SEC16A: variants seen among roughly 807,000 people sequenced by gnomAD.
The protein encoded by SEC16A is protein transport protein Sec16A.
SEC16A carries 110 observed loss-of-function variants against 221.9 expected under a neutral mutation model. The ratio of observed to expected loss-of-function variants is 0.50; its 90% CI spans 0.42 to 0.58. The LOEUF (loss-of-function observed/expected upper bound fraction) is 0.58. Ranked by LOEUF, SEC16A falls within the 20% of genes least tolerant of loss-of-function variation. SEC16A has a pLI of 0.00. For synonymous variants in SEC16A, 1,393 were observed against 1,257.7 expected, an observed-to-expected ratio of 1.11 and a Z score of -2.28; for missense variants, 3,165 against 3,097.8, an observed-to-expected ratio of 1.02 and a Z score of -0.52.
chr9:136,465,139 T>A (rs546649784), intron 8 of SEC16A, among the ~76,000 whole-genome samples: 1 of 144,058 alleles, frequency 6.9e-6, no homozygotes, highest in South Asian at 2.2e-4. Flanking sequence ...AATGAAAAAA[T>A]GTTAACTGAA....
At chr9:136,441,920 A>G in intron 31 of SEC16A, 97 bp from the exon 32 acceptor site, 1 of 1,048,752 alleles carries the variant, frequency 9.5e-7, no homozygotes, top group East Asian at 2.5e-5. Context: ...ATAATGAACC[A>G]CACGGGCCAT....
intron 17 of SEC16A, among the ~76,000 whole-genome samples, chr9:136,458,552 CAGAA>C: frequency 6.6e-6 from 1 of 150,552 alleles, no homozygotes; most frequent in Non-Finnish European, 1.5e-5. Flanking sequence ...GGCGTGAACT[CAGAA>C]AGCAGAGCTT....
Position 136,482,968 on chromosome 9 carries a change from C to T in SEC16A, c.-222G>A. On this transcript the variant is annotated 5_prime_UTR_variant, in exon 1 of 32. Transcript: ENST00000684901. ...CGGCTGAGACCGATCCCTCAGGAGC[C>T]GCGGGCGAAAGCCCACCCGACGCTG... 1 of 985,232 alleles carries T rather than the reference C, an allele frequency of 1.0e-6. No homozygotes were observed. The highest frequency in any genetic ancestry group is 4.7e-5 in the South Asian group (1 of 21,290). 61.0% of individuals were successfully genotyped at this position (985,232 alleles called of 1,614,324 possible).
At position 136,459,614 on chromosome 9, in the gene SEC16A, G is replaced by A. The variant is rs754343167; in HGVS notation, c.5192-59C>T. On this transcript the variant is annotated intron_variant, in intron 15 of 31. Transcript: ENST00000684901. This position sits in a 1 kb window ranked among gnomAD's most constrained non-coding sequence, Gnocchi z 6.1. ...TCAGCGACCGGGAGCGCTTGCAGAA[G>A]TCAAGGACGCGCACAGAAGGCACCA... The A allele has an allele frequency of 1.8e-5, 26 of 1,433,782 alleles. No individual in the cohort carries two copies. Among genetic ancestry groups the A allele is most frequent in the Non-Finnish European group, 2.5e-5 (26 of 1,042,936 alleles). The allele number at this position is 1,433,782 out of a possible 1,614,324, so 88.8% of individuals were successfully genotyped here. A position where few individuals can be genotyped will look rare whatever the true frequency, so the allele number is the denominator to read the frequency against.
intron 2 of SEC16A, among the ~76,000 whole-genome samples, chr9:136,477,962 C>T (rs1159348555): frequency 6.6e-6 from 1 of 152,160 alleles, no homozygotes; most frequent in Non-Finnish European, 1.5e-5. Flanking sequence ...CCTCTACTCA[C>T]AGGGCCCATT....
intron 8 of SEC16A, among the ~76,000 whole-genome samples, chr9:136,465,559 A>G (rs1840029923): frequency 1.3e-5 from 2 of 152,264 alleles, no homozygotes; most frequent in South Asian, 4.1e-4. Context: ...GCATTTGAGC[A>G]TCCTGGAAGG....
intron 13 of SEC16A, among the ~76,000 whole-genome samples, chr9:136,460,790 G>A (rs1839368879): frequency 6.6e-6 from 1 of 152,032 alleles, no homozygotes; most frequent in East Asian, 1.9e-4. Context: ...GTGGGTGCCT[G>A]TGGTCTCAAC....
In SEC16A at chr9:136,463,693, C is replaced by A; in HGVS notation, c.4494G>T (p.Pro1498=). The A allele has an allele frequency of 2.5e-6, 4 of 1,612,962 alleles. No individual in the cohort carries two copies. The highest frequency in any genetic ancestry group is 3.4e-6 in the Non-Finnish European group (4 of 1,179,732). Residue 1498 remains proline (P), a synonymous_variant, in exon 10 of 32, where the codon CCG becomes CCT. Transcript: ENST00000684901. ...AAGGAACATACTTGGCCAGGGGTCC[C>A]GGGAACGCCCGCATCTCCTCCTGCT... ...TSEQEEMRAF[P]GPLAKDDTHK...
rs1000992506 is a variant in SEC16A at position 136,481,129 on chromosome 9, CTTTTTTTTTT to C, written c.-192+1799_-192+1808del. Among the ~76,000 whole-genome samples the C allele has an allele frequency of 1.5e-4, 13 of 87,988 alleles. No individual in the cohort carries two copies. In the Admixed American group the frequency reaches 2.2e-3, roughly 15 times the overall value. The allele number at this position is 87,988 out of a possible 152,430, so 57.7% of individuals were successfully genotyped here. A position where few individuals can be genotyped will look rare whatever the true frequency, so the allele number is the denominator to read the frequency against. On this transcript the variant is annotated intron_variant, in intron 1 of 31. Coordinates refer to ENST00000684901, the MANE Select transcript of SEC16A (RefSeq NM_014866.2). ...TGTCACCACTACAGGGAATTTTATTCTTTTTTTTTTTTTTTTTTTTTTTGAGACGGAGTCT... is the reference window on the plus strand; with the variant it reads ...TGTCACCACTACAGGGAATTTTATTCTTTTTTTTTTTTTGAGACGGAGTCT...
At chr9:136,443,950 T>C (rs1836574084) in intron 30 of SEC16A, 50 bp from the exon 31 acceptor site, 6 of 1,373,382 alleles carry the variant, frequency 4.4e-6, no homozygotes, top group Non-Finnish European at 6.0e-6. Flanking sequence ...GCACAGCAGC[T>C]GTCACTTCAA....
intron 5 of SEC16A, 56 bp downstream of exon 5, chr9:136,468,359 G>C: frequency 9.2e-7 from 1 of 1,088,252 alleles, no homozygotes; most frequent in Non-Finnish European, 1.4e-6. Flanking sequence ...CATGTCATCA[G>C]TGTCTTTTGC....
At chr9:136,452,155 A>G (rs563066763) in intron 22 of SEC16A, among the ~76,000 whole-genome samples, 1 of 152,308 alleles carries the variant, frequency 6.6e-6, no homozygotes, top group African/African-American at 2.4e-5. Flanking sequence ...ACTGTAGAAA[A>G]AGAGACGGCC....
In SEC16A at chr9:136,454,203, G is replaced by C. The variant is rs892304764; in HGVS notation, c.5982C>G (p.Gly1994=). 1 of 1,563,978 alleles carries C rather than the reference G, an allele frequency of 6.4e-7. No homozygotes were observed. The highest frequency in any genetic ancestry group is 8.7e-7 in the Non-Finnish European group (1 of 1,154,158). ...PGCVTPGPAL[G]FLEPSGPGLP... The stretch of plus-strand genomic sequence containing the variant: ...GGCCAGGCCCGGAGGGCTCCAGGAA[G>C]CCAAGTGCAGGCCCTGGGGTCACAC... Residue 1994 remains glycine (G), a synonymous_variant, in exon 21 of 32, where the codon GGC becomes GGG. Transcript: ENST00000684901.
intron 1 of SEC16A, among the ~76,000 whole-genome samples, chr9:136,479,973 G>A (rs1175011364): frequency 6.6e-6 from 1 of 151,642 alleles, no homozygotes; most frequent in East Asian, 1.9e-4. Context: ...CAACACTCCA[G>A]CCTGGGCGAC....
rs767907506 is a variant in SEC16A at position 136,476,305 on chromosome 9, A to C, written c.1311T>G (p.Gly437=). Residue 437 remains glycine, a synonymous_variant, in exon 3 of 32, where the codon GGT becomes GGG. Coordinates refer to ENST00000684901, the MANE Select transcript of SEC16A (RefSeq NM_014866.2). ...LLPGPSNEAA[G]DVWGDTASTG... ...TGCTCGCTGTGTCACCCCACACATC[A>C]CCAGCAGCCTCATTGCTGGGGCCTG... is the stretch of plus-strand genomic sequence containing the variant. 8 of 1,612,842 alleles carry C rather than the reference A, an allele frequency of 5.0e-6. No homozygotes were observed. In the East Asian group the frequency reaches 1.8e-4, roughly 36 times the overall value.
At position 136,475,541 on chromosome 9, in the gene SEC16A, G is replaced by T. The variant is rs1397155809; in HGVS notation, c.2075C>A (p.Ala692Glu). 2 of 1,613,324 alleles carry T rather than the reference G, an allele frequency of 1.2e-6. No homozygotes were observed. Among genetic ancestry groups the T allele is most frequent in the Non-Finnish European group, 1.7e-6 (2 of 1,179,646 alleles). ...TTEAVHMLPH[A>E]GAPPLDTVYP... ...CACAGTATCCAAGGGCGGTGCCCCTGCGTGCGGAAGCATGTGCACAGCTTC... is the reference window on the plus strand; with the variant it reads ...CACAGTATCCAAGGGCGGTGCCCCTTCGTGCGGAAGCATGTGCACAGCTTC... Residue 692 changes from alanine (A) to glutamate (E), a missense_variant, in exon 3 of 32, where the codon GCA (alanine) becomes GAA (glutamate). Ala to Glu is a moderately radical substitution (Grantham distance 107, BLOSUM62 -1). Transcript: ENST00000684901. This position sits in a 1 kb window ranked among gnomAD's most constrained non-coding sequence, Gnocchi z 5.0.
In SEC16A at chr9:136,466,155, C is replaced by T. The variant is rs373124499; in HGVS notation, c.4129-19G>A. ...TCTGACTCTTAGAAAACAAAGCAAA[C>T]GGGCAAAATCAATTCCCCAGGCACA... is the stretch of plus-strand genomic sequence containing the variant. On this transcript the variant is annotated intron_variant, in intron 7 of 31. Coordinates refer to ENST00000684901, the MANE Select transcript of SEC16A (RefSeq NM_014866.2). This position sits in a 1 kb window ranked among gnomAD's most constrained non-coding sequence, Gnocchi z 5.5. The T allele has an allele frequency of 3.2e-5, 50 of 1,573,922 alleles. No homozygotes were observed. Among genetic ancestry groups the T allele is most frequent in the African/African-American group, 2.8e-4 (21 of 73,872 alleles).
At chr9:136,472,575 G>A (rs1157492129) in intron 3 of SEC16A, among the ~76,000 whole-genome samples, 1 of 152,200 alleles carries the variant, frequency 6.6e-6, no homozygotes, top group East Asian at 1.9e-4. Context: ...GAGAACCAGG[G>A]TCCCAGTGAA....
At position 136,440,841 on chromosome 9, in the gene SEC16A, C is replaced by T. The variant is rs553875415; in HGVS notation, c.*914G>A. The T allele has an allele frequency of 2.3e-4, 35 of 152,524 alleles. No homozygotes were observed. Among genetic ancestry groups the T allele is most frequent in the African/African-American group, 7.9e-4 (33 of 41,586 alleles). The allele number at this position is 152,524 out of a possible 1,614,324, so 9.4% of individuals were successfully genotyped here. ...TGGATTGTACCACGAAAAGTGCTCA[C>T]GGAAAGTGCAGCCTTTTAGAGAAGT... On this transcript the variant is annotated 3_prime_UTR_variant, in exon 32 of 32. Transcript: ENST00000684901.
Sources: allele counts gnomAD v4.1 joint callset (sites outside exome capture counted in the v4.1 genomes callset), GRCh38; gene constraint gnomAD v4.1.1; non-coding constraint Gnocchi (gnomAD v3.1); transcripts MANE v1.5; gene names NCBI Gene and HGNC (gene_info 2026-07-23, HGNC 2026-07-21).